The following JAK1 variants were observed in gnomAD, a reference collection of about 807,000 sequenced individuals.
JAK1 encodes the protein tyrosine-protein kinase JAK1.
Under a neutral mutation model 136.6 loss-of-function variants are expected in JAK1, and 16 were observed. That is an observed-to-expected ratio of 0.12 (90% CI 0.08 to 0.18). The LOEUF is 0.18. JAK1 is among the 10% of genes least tolerant of loss of function. The probability of loss-of-function intolerance (pLI) is 1.00; values close to 1 mark genes in which losing one functional copy is unlikely to be tolerated. For synonymous variants in JAK1, 492 were observed against 519.5 expected (o/e 0.95, Z 0.72); for missense variants, 859 against 1,450.1 (o/e 0.59, Z 6.62).
chr1:65,050,392 T>A (rs879257535), intron 1 of JAK1, among the ~76,000 whole-genome samples: 3 of 152,210 alleles, frequency 2.0e-5, no homozygotes, highest in Non-Finnish European at 4.4e-5. Context: ...GAATCAGTAC[T>A]TAGCCAGAAA....
At chr1:64,934,746 G>A (rs535279444) in intron 1 of JAK1, among the ~76,000 whole-genome samples, 2 of 152,304 alleles carry the variant, frequency 1.3e-5, no homozygotes, top group East Asian at 3.9e-4. Flanking sequence ...TCTCTGTGCT[G>A]CCACAGTACT....
chr1:64,935,703 C>A (rs1310285860), intron 1 of JAK1, among the ~76,000 whole-genome samples: 1 of 152,212 alleles, frequency 6.6e-6, no homozygotes, highest in Non-Finnish European at 1.5e-5. Context: ...GTTTATCCAG[C>A]CTTTCCTGCT....
At chr1:64,899,768 G>A (rs545180213) in intron 1 of JAK1, among the ~76,000 whole-genome samples, 1 of 152,266 alleles carries the variant, frequency 6.6e-6, no homozygotes, top group Non-Finnish European at 1.5e-5. Context: ...AACTCTCCCT[G>A]AGAACAATTT....
At chr1:64,834,769 T>C in intron 24 of JAK1, 112 bp from the exon 25 acceptor site, 1 of 685,496 alleles carries the variant, frequency 1.5e-6, no homozygotes, top group Non-Finnish European at 2.6e-6. Flanking sequence ...GACTTTTCCT[T>C]AAAGACTAGA....
At chr1:64,902,202 T>G (rs1645116450) in intron 1 of JAK1, among the ~76,000 whole-genome samples, 1 of 152,152 alleles carries the variant, frequency 6.6e-6, no homozygotes, top group Admixed American at 6.5e-5. Flanking sequence ...CAAATGTCAT[T>G]GTAGCTAGTA....
chr1:64,948,911 G>A (rs1646033111), intron 1 of JAK1, among the ~76,000 whole-genome samples: 1 of 152,142 alleles, frequency 6.6e-6, no homozygotes, highest in South Asian at 2.1e-4. Flanking sequence ...CAGAATTCTT[G>A]CAGTCTCTAA....
chr1:64,886,235 T>A, intron 2 of JAK1, 24 bp downstream of exon 2: 1 of 1,533,446 alleles, frequency 6.5e-7, no homozygotes, highest in East Asian at 2.3e-5. Context: ...TTTTCCTTTT[T>A]TAAAAATATG....
chr1:65,055,971 G>A (rs1280339485), intron 1 of JAK1, among the ~76,000 whole-genome samples: 1 of 152,196 alleles, frequency 6.6e-6, no homozygotes, highest in Admixed American at 6.5e-5. Flanking sequence ...AAAACAGGAA[G>A]ATCAGGGAAG....
chr1:64,999,586 T>A (rs944336658), intron 2 of JAK1, among the ~76,000 whole-genome samples: 2 of 151,582 alleles, frequency 1.3e-5, no homozygotes, highest in Non-Finnish European at 1.5e-5. Flanking sequence ...ATAGAAAAAA[T>A]TAACTGGGTG....
At chr1:65,010,697 GT>G (rs2100769362) in intron 2 of JAK1, among the ~76,000 whole-genome samples, 1 of 152,300 alleles carries the variant, frequency 6.6e-6, no homozygotes, top group South Asian at 2.1e-4. Context: ...AAAAAAATAG[GT>G]GGCCAGGCAT....
At position 64,836,082 on chromosome 1, in the gene JAK1, G is replaced by T. The variant is rs2274944; in HGVS notation, c.3258+16C>A. 1.0e-3 allele frequency: 1,460 copies of T among 1,419,044 alleles called. 23 individuals carry two copies. The East Asian group carries it at 0.027, about 27-fold the overall frequency. The allele number at this position is 1,419,044 out of a possible 1,614,324, so 87.9% of individuals were successfully genotyped here. On this transcript the variant is annotated intron_variant, in intron 23 of 24. Coordinates refer to ENST00000342505, the MANE Select transcript of JAK1 (RefSeq NM_002227.4). ...AATGGGTACTGGATTCAAATGAAGA[G>T]AAAAGTAGGACTTACAGCCATGGGA...
intron 1 of JAK1, among the ~76,000 whole-genome samples, chr1:64,902,957 T>C (rs1019966291): frequency 1.3e-5 from 2 of 152,160 alleles, no homozygotes; most frequent in African/African-American, 2.4e-5. Flanking sequence ...TGGAGACCAC[T>C]GTAAGGTCTT....
intron 2 of JAK1, among the ~76,000 whole-genome samples, chr1:65,027,258 G>T (rs1406865218): frequency 6.6e-6 from 1 of 151,666 alleles, no homozygotes; most frequent in Non-Finnish European, 1.5e-5. Flanking sequence ...GTAGAGATGG[G>T]GTTTCACCAT....
At chr1:64,905,472 T>C (rs900997213) in intron 1 of JAK1, among the ~76,000 whole-genome samples, 3 of 152,226 alleles carry the variant, frequency 2.0e-5, no homozygotes, top group Non-Finnish European at 4.4e-5. Context: ...TAATAGCTCA[T>C]GGATCCTACT....
chr1:65,044,733 C>T lies in JAK1; in HGVS notation c.-180-151G>A, dbSNP rs76033816. On this transcript the variant is annotated intron_variant, in intron 1 of 25. Coordinates refer to the JAK1 transcript ENST00000671954. Reference sequence around the variant, plus strand: ...GGGAGAGATGTACACGCAGTTTGGGCGGCAGTACAAGAGAGGAGTGAAGCA... The same window carrying T: ...GGGAGAGATGTACACGCAGTTTGGGTGGCAGTACAAGAGAGGAGTGAAGCA... Among the ~76,000 whole-genome samples, 225 of 152,242 alleles carry T rather than the reference C, an allele frequency of 1.5e-3. 5 individuals are homozygous for T. The East Asian group carries it at 0.039, about 26-fold the overall frequency.
intron 2 of JAK1, among the ~76,000 whole-genome samples, chr1:64,980,947 G>A (rs1646539965): frequency 6.6e-6 from 1 of 152,078 alleles, no homozygotes; most frequent in Non-Finnish European, 1.5e-5. Context: ...GTGTATATGT[G>A]CCACATTTTC....
At chr1:64,890,763 G>A (rs1644923483) in intron 1 of JAK1, among the ~76,000 whole-genome samples, 1 of 152,208 alleles carries the variant, frequency 6.6e-6, no homozygotes, top group Non-Finnish European at 1.5e-5. Context: ...CTATGAATCT[G>A]CTTCGAAGAG....
intron 1 of JAK1, among the ~76,000 whole-genome samples, chr1:64,902,388 C>A (rs1282725965): frequency 6.6e-6 from 1 of 152,216 alleles, no homozygotes. Context: ...ATCTCTCTGT[C>A]AATCCGAGGA....
intron 2 of JAK1, chr1:65,003,493 G>C (rs1646779619): frequency 6.6e-6 from 1 of 152,198 alleles, no homozygotes; most frequent in Non-Finnish European, 1.5e-5. Context: ...AAGAATCATA[G>C]TGTTTATTAA....
Sources: allele counts gnomAD v4.1 joint callset (sites outside exome capture counted in the v4.1 genomes callset), GRCh38; gene constraint gnomAD v4.1.1; transcripts MANE v1.5; gene names NCBI Gene and HGNC (gene_info 2026-07-23, HGNC 2026-07-21).